Variants in ULK4 observed in about 807,000 individuals in gnomAD.
ULK4 encodes unc-51 like kinase 4, also known as inactive serine/threonine-protein kinase ULK4.
Under a neutral mutation model 160.6 loss-of-function variants are expected in ULK4, and 133 were observed. That is an observed-to-expected ratio of 0.83 (90% CI 0.72 to 0.96). The LOEUF (loss-of-function observed/expected upper bound fraction) is 0.96. ULK4 is among the 40% of genes least tolerant of loss of function. The probability of loss-of-function intolerance (pLI) is 0.00; values close to 1 mark genes in which losing one functional copy is unlikely to be tolerated. For missense variants in ULK4, 1,580 were observed against 1,499.5 expected, an observed-to-expected ratio of 1.05 and a Z score of -0.89; for synonymous variants, 534 against 539.8, an observed-to-expected ratio of 0.99 and a Z score of 0.15.
At chr3:41,465,919 C>T (rs2083821598) in intron 32 of ULK4, among the ~76,000 whole-genome samples, 1 of 152,138 alleles carries the variant, frequency 6.6e-6, no homozygotes, top group African/African-American at 2.4e-5. Context: ...GGAGTGTTAG[C>T]AACCACCAAA....
intron 31 of ULK4, among the ~76,000 whole-genome samples, chr3:41,590,001 G>GT (rs1183165205): frequency 6.6e-6 from 1 of 151,096 alleles, no homozygotes; most frequent in Non-Finnish European, 1.5e-5. Flanking sequence ...CAAATGCAAG[G>GT]TTTTTTTTGT....
At chr3:41,285,705 CTAAA>C (rs933761047) in intron 35 of ULK4, among the ~76,000 whole-genome samples, 4 of 152,110 alleles carry the variant, frequency 2.6e-5, no homozygotes, top group African/African-American at 9.7e-5. Context: ...ACTAATGTAA[CTAAA>C]TATCACCTGT....
At chr3:41,834,864 C>T (rs982402661) in intron 18 of ULK4, among the ~76,000 whole-genome samples, 1 of 151,714 alleles carries the variant, frequency 6.6e-6, no homozygotes, top group Non-Finnish European at 1.5e-5. Context: ...GGCAACATGG[C>T]GAAACCCCAT....
intron 32 of ULK4, among the ~76,000 whole-genome samples, chr3:41,495,801 T>A (rs1368388708): frequency 6.6e-6 from 1 of 151,552 alleles, no homozygotes; most frequent in Non-Finnish European, 1.5e-5. Flanking sequence ...AAGAAGACAT[T>A]TACGCAGCCA....
At chr3:41,566,334 C>A (rs778237186) in intron 31 of ULK4, among the ~76,000 whole-genome samples, 2 of 152,112 alleles carry the variant, frequency 1.3e-5, no homozygotes, top group Non-Finnish European at 2.9e-5. Context: ...GGTAAATCAC[C>A]CAGACACCAG....
At chr3:41,763,342 A>G in intron 21 of ULK4, among the ~76,000 whole-genome samples, 1 of 152,214 alleles carries the variant, frequency 6.6e-6, no homozygotes, top group East Asian at 1.9e-4. Flanking sequence ...GGGAAAAAAC[A>G]TTTTTAAGGA....
At chr3:41,715,739 C>T (rs990554414) in intron 23 of ULK4, among the ~76,000 whole-genome samples, 171 bp from the exon 24 acceptor site, 5 of 151,972 alleles carry the variant, frequency 3.3e-5, no homozygotes, top group South Asian at 2.1e-4. Context: ...TTATGGCCTC[C>T]GGGGACAGAA....
chr3:41,910,535 G>A (rs1334846725), intron 11 of ULK4, among the ~76,000 whole-genome samples: 1 of 151,982 alleles, frequency 6.6e-6, no homozygotes, highest in East Asian at 1.9e-4. Flanking sequence ...GGTGGAGGCT[G>A]CAGTGAGCCA....
chr3:41,518,491 T>C lies in ULK4; in HGVS notation c.3226+47534A>G, dbSNP rs73830213. 2.3e-3 allele frequency among the ~76,000 whole-genome samples: 349 copies of C among 152,328 alleles called. 1 individual carries two copies. The highest frequency in any genetic ancestry group is 7.7e-3 in the African/African-American group (319 of 41,578). On this transcript the variant is annotated intron_variant, in intron 32 of 36. Transcript: ENST00000301831. Reference sequence around the variant, plus strand: ...AAATAGAACACTTCACCCATGAAGGTTGACTATTAGCTTTGTTTCATGATC... The same window carrying C: ...AAATAGAACACTTCACCCATGAAGGCTGACTATTAGCTTTGTTTCATGATC...
At chr3:41,550,228 C>T (rs1420046100) in intron 32 of ULK4, among the ~76,000 whole-genome samples, 1 of 151,760 alleles carries the variant, frequency 6.6e-6, no homozygotes, top group Non-Finnish European at 1.5e-5. Flanking sequence ...AAGAAAGAAA[C>T]AAAAGATATG....
At chr3:41,600,003 C>T (rs1183580001) in intron 31 of ULK4, among the ~76,000 whole-genome samples, 2 of 152,124 alleles carry the variant, frequency 1.3e-5, no homozygotes, top group African/African-American at 4.8e-5. Flanking sequence ...TTTTATGTTC[C>T]AAAATGTGTA....
At position 41,420,471 on chromosome 3, in the gene ULK4, CTTTCTTTTTT is replaced by C. The variant is rs1408283123; in HGVS notation, c.3493-22217_3493-22208del. 2.5e-4 allele frequency among the ~76,000 whole-genome samples: 16 copies of C among 63,242 alleles called. No homozygotes were observed. In the East Asian group the frequency reaches 5.1e-3, roughly 20 times the overall value. 41.5% of individuals were successfully genotyped at this position (63,242 alleles called of 152,430 possible). ...TAAGGGATTTTTCAGTTTTCCAGTTCTTTCTTTTTTTTTTTTTTTTTTTTTTTTTGAGATG... is the reference window on the plus strand; with the variant it reads ...TAAGGGATTTTTCAGTTTTCCAGTTCTTTTTTTTTTTTTTTTTTTGAGATG... On this transcript the variant is annotated intron_variant, in intron 34 of 36. Transcript: ENST00000301831.
chr3:41,399,583 GT>G (rs2082134093), intron 34 of ULK4, among the ~76,000 whole-genome samples: 1 of 151,616 alleles, frequency 6.6e-6, no homozygotes, highest in African/African-American at 2.4e-5. Context: ...TTTTGTTTTT[GT>G]TTTTTGGGAG....
intron 5 of ULK4, among the ~76,000 whole-genome samples, chr3:41,928,153 TCAGAC>T (rs1357763245): frequency 6.6e-6 from 1 of 152,190 alleles, no homozygotes; most frequent in Non-Finnish European, 1.5e-5. Flanking sequence ...TAACAGTCTC[TCAGAC>T]CACAGTGCAA....
At chr3:41,949,315 G>C (rs562792302) in intron 2 of ULK4, among the ~76,000 whole-genome samples, 18,843 of 141,982 alleles carry the variant, frequency 0.13, 1,329 homozygotes, top group Middle Eastern at 0.28. Context: ...CACACACACA[G>C]ACACACACAC....
intron 32 of ULK4, among the ~76,000 whole-genome samples, chr3:41,491,060 G>A (rs141675648): frequency 1.8e-4 from 27 of 152,252 alleles, no homozygotes; most frequent in African/African-American, 5.8e-4. Context: ...ACGAAAAGAT[G>A]AGATCACTGA....
chr3:41,931,495 AAT>A (rs1369682307), intron 5 of ULK4, among the ~76,000 whole-genome samples: 1 of 146,152 alleles, frequency 6.8e-6, no homozygotes, highest in African/African-American at 2.5e-5. Flanking sequence ...AAAAGAAAGA[AAT>A]ATGTTTCAAC....
intron 31 of ULK4, among the ~76,000 whole-genome samples, chr3:41,570,567 C>T (rs188432098): frequency 1.4e-3 from 215 of 152,242 alleles, no homozygotes; most frequent in Admixed American, 2.3e-3. Flanking sequence ...GTTCAAAGAC[C>T]CATCTGTCAG....
chr3:41,812,135 T>C (rs886475831), intron 19 of ULK4, among the ~76,000 whole-genome samples: 2 of 151,788 alleles, frequency 1.3e-5, no homozygotes, highest in Admixed American at 6.6e-5. Context: ...AAAATACAAA[T>C]ATTAGCCAGG....
Sources: gnomAD v4.1 joint callset for allele counts (sites outside exome capture counted in the v4.1 genomes callset) on GRCh38, gnomAD v4.1.1 for gene constraint, MANE v1.5 for transcripts, NCBI Gene and HGNC (gene_info 2026-07-23, HGNC 2026-07-21) for gene names.